SASH1: variants seen among roughly 807,000 people sequenced by gnomAD.
SASH1 encodes the protein SAM and SH3 domain containing 1.
SASH1 carries 44 observed loss-of-function variants against 125.2 expected under a neutral mutation model. The ratio of observed to expected loss-of-function variants is 0.35; its 90% confidence interval spans 0.28 to 0.45. The LOEUF (loss-of-function observed/expected upper bound fraction) is 0.45. SASH1 is among the 20% of genes least tolerant of loss of function. The pLI is 1.00. For synonymous variants in SASH1, 639 were observed against 649.1 expected, an observed-to-expected ratio of 0.98 and a Z score of 0.24; for missense variants, 1,426 against 1,614.5, an observed-to-expected ratio of 0.88 and a Z score of 2.00.
intron 2 of SASH1, among the ~76,000 whole-genome samples, chr6:148,398,324 A>G (rs1468282430): frequency 6.6e-6 from 1 of 152,202 alleles, no homozygotes; most frequent in Non-Finnish European, 1.5e-5. Context: ...CTGTGGCTTC[A>G]CGCAGACATG....
At position 148,529,203 on chromosome 6, in the gene SASH1, G is replaced by A. The variant is rs562238761; in HGVS notation, c.1428+1607G>A. ...ACAGGCCACAGACGGGTTCTGGTCC[G>A]TGGCCCGGGAGTTGGAGAATGCTGA... is the stretch of plus-strand genomic sequence containing the variant. On this transcript the variant is annotated intron_variant, in intron 12 of 19. Coordinates refer to ENST00000367467, the MANE Select transcript of SASH1 (RefSeq NM_015278.5). This position sits in a 1 kb window ranked among gnomAD's most constrained non-coding sequence, Gnocchi z 4.2. Among the ~76,000 whole-genome samples, 17 of 152,270 alleles carry A rather than the reference G, an allele frequency of 1.1e-4. No individual in the cohort carries two copies. The highest frequency in any genetic ancestry group is 2.2e-4 in the African/African-American group (9 of 41,552).
At chr6:148,440,651 C>T (rs1048174191) in intron 4 of SASH1, 1 of 505,204 alleles carries the variant, frequency 2.0e-6, no homozygotes, top group East Asian at 3.1e-5. Context: ...TGAATAAACC[C>T]TAAATAAATC....
chr6:148,465,773 C>T (rs1017059104), intron 4 of SASH1, among the ~76,000 whole-genome samples: 12 of 152,058 alleles, frequency 7.9e-5, no homozygotes, highest in Non-Finnish European at 1.5e-4. Flanking sequence ...TAGCAGAAAC[C>T]CTTCTTTCTT....
At chr6:148,453,021 T>C (rs1777179625) in intron 4 of SASH1, among the ~76,000 whole-genome samples, 1 of 152,214 alleles carries the variant, frequency 6.6e-6, no homozygotes, top group Non-Finnish European at 1.5e-5. Flanking sequence ...GGGCTCAGCA[T>C]TCCAGAATGC....
chr6:148,243,025 T>G, the SASH1 span, among the ~76,000 whole-genome samples: 22 of 152,298 alleles, frequency 1.4e-4, no homozygotes, highest in East Asian at 4.2e-3. Flanking sequence ...AGAATTAGAA[T>G]TCCATGTTGG....
intron 8 of SASH1, among the ~76,000 whole-genome samples, chr6:148,507,219 C>T (rs987138804): frequency 4.6e-5 from 7 of 152,054 alleles, no homozygotes; most frequent in Non-Finnish European, 7.4e-5. Context: ...GAGTGAGAGA[C>T]GCCAGCCCGC....
intron 2 of SASH1, among the ~76,000 whole-genome samples, chr6:148,427,834 G>A (rs543164445): frequency 6.6e-6 from 1 of 152,170 alleles, no homozygotes; most frequent in African/African-American, 2.4e-5. Context: ...GAATGGGTAC[G>A]GGAGTGTGGA....
intron 1 of SASH1, among the ~76,000 whole-genome samples, chr6:148,323,728 C>G (rs1381924496): frequency 6.6e-6 from 1 of 152,116 alleles, no homozygotes; most frequent in Admixed American, 6.5e-5. Flanking sequence ...GACATCCATG[C>G]ACGTTGATAC....
the SASH1 span, among the ~76,000 whole-genome samples, chr6:148,233,074 C>A: frequency 6.6e-6 from 1 of 151,978 alleles, no homozygotes; most frequent in African/African-American, 2.4e-5. Context: ...AATTAGCCGG[C>A]GTGGTGGTAC....
chr6:148,252,636 G>T, the SASH1 span, among the ~76,000 whole-genome samples: 1 of 151,954 alleles, frequency 6.6e-6, no homozygotes, highest in Admixed American at 6.6e-5. Flanking sequence ...TTGCCACCAC[G>T]CCTGGCTATT....
intron 8 of SASH1, among the ~76,000 whole-genome samples, chr6:148,504,660 C>A (rs1362488909): frequency 1.3e-5 from 2 of 152,140 alleles, no homozygotes; most frequent in Non-Finnish European, 2.9e-5. Flanking sequence ...AGCCACAGGG[C>A]TGGGGAGTCT....
At chr6:148,490,780 T>C (rs897364910) in intron 8 of SASH1, among the ~76,000 whole-genome samples, 3 of 152,192 alleles carry the variant, frequency 2.0e-5, no homozygotes, top group Non-Finnish European at 4.4e-5. Flanking sequence ...AATTCCACCC[T>C]TCTTGGCACA....
chr6:148,460,217 C>T (rs1309918281), intron 4 of SASH1, among the ~76,000 whole-genome samples: 1 of 152,200 alleles, frequency 6.6e-6, no homozygotes, highest in African/African-American at 2.4e-5. Context: ...CATCTTTCTC[C>T]TTATTTTTCT....
chr6:148,385,461 C>T (rs115217781), intron 1 of SASH1, among the ~76,000 whole-genome samples: 112 of 152,182 alleles, frequency 7.4e-4, no homozygotes, highest in African/African-American at 2.6e-3. Context: ...CTCCTAAAAC[C>T]CTTGGAACCT....
rs559795271 is a variant in SASH1, at chr6:148,426,947, A to C, written c.286-13237A>C. ...CCAGGAGTTTGAGACCAGCCTGGTCAGCATGGCAAAACCCCATCTCTATTA... is the reference window on the plus strand; with the variant it reads ...CCAGGAGTTTGAGACCAGCCTGGTCCGCATGGCAAAACCCCATCTCTATTA... On this transcript the variant is annotated intron_variant, in intron 2 of 19. Transcript: ENST00000367467. Among the ~76,000 whole-genome samples the C allele has an allele frequency of 9.9e-5, 15 of 152,240 alleles. No individual in the cohort carries two copies. The South Asian group carries it at 3.1e-3, about 32-fold the overall frequency.
At chr6:148,521,237 G>C (rs1351011850) in intron 10 of SASH1, among the ~76,000 whole-genome samples, 1 of 152,206 alleles carries the variant, frequency 6.6e-6, no homozygotes, top group East Asian at 1.9e-4. Context: ...TAGATTTCTT[G>C]GCCCTCTGTC....
Position 148,548,387 on chromosome 6 carries a change from G to T in SASH1, c.3573G>T (p.Leu1191=), listed in dbSNP as rs1230881071. 1.2e-6 allele frequency: 2 copies of T among 1,614,214 alleles called. No individual in the cohort carries two copies. The highest frequency in any genetic ancestry group is 3.3e-5 in the Admixed American group (2 of 60,030). The change falls in exon 20 of 20, where the codon CTG becomes CTT. Residue 1191 remains leucine (L), a synonymous_variant. Coordinates refer to ENST00000367467, the MANE Select transcript of SASH1 (RefSeq NM_015278.5). ...SVSDWLISIG[L]PMYAGTLSTA... ...CAGATTGGCTCATTTCCATCGGTCT[G>T]CCCATGTACGCCGGCACCCTCTCCA...
Position 148,525,295 on chromosome 6 carries a change from C to A in SASH1, c.1214C>A (p.Thr405Asn). 6.2e-7 allele frequency: 1 copy of A among 1,613,982 alleles called. No individual in the cohort carries two copies. Among genetic ancestry groups the A allele is most frequent in the Non-Finnish European group, 8.5e-7 (1 of 1,179,860 alleles). Residue 405 changes from threonine to asparagine, a missense_variant, in exon 11 of 20, where the codon ACC becomes AAC. By Grantham distance (65) the Thr-to-Asn change is moderately conservative (BLOSUM62 0). Around this residue, in one of 3 missense-constraint regions of SASH1, gnomAD observed 567 missense variants for 575.6 expected, o/e 0.99. Transcript: ENST00000367467. ...GCCCTACCCTCTTTTCCACAGAGAA[C>A]CTGCAGTTTTGGAGGATTTGACTTG... ...KGLGSLSHGR[T>N]CSFGGFDLTN...
intron 2 of SASH1, among the ~76,000 whole-genome samples, chr6:148,399,663 T>G (rs1487503985): frequency 6.6e-6 from 1 of 152,248 alleles, no homozygotes; most frequent in East Asian, 1.9e-4. Context: ...CTTTGTTGTT[T>G]CCATTTGCAT....
Sources: allele counts gnomAD v4.1 joint callset (sites outside exome capture counted in the v4.1 genomes callset), GRCh38; gene constraint gnomAD v4.1.1; regional missense constraint gnomAD v4.1.1; non-coding constraint Gnocchi (gnomAD v3.1); transcripts MANE v1.5; gene names NCBI Gene and HGNC (gene_info 2026-07-23, HGNC 2026-07-21).